ARHGEF7: variants seen among roughly 807,000 people sequenced by gnomAD.
ARHGEF7 encodes the protein PAK-interacting exchange factor beta.
In ARHGEF7, 33 loss-of-function variants were observed where a neutral mutation model predicts 109.8. The observed-to-expected ratio is 0.30, with a 90% confidence interval of 0.23 to 0.40. ARHGEF7 has a LOEUF of 0.40. Among genes scored for constraint, ARHGEF7 ranks in the 10% least tolerant of loss-of-function variants. ARHGEF7 has a pLI of 1.00. For synonymous variants in ARHGEF7, 458 were observed against 424.6 expected (o/e 1.08, Z -0.97); for missense variants, 938 against 1,098.5 (o/e 0.85, Z 2.07).
rs1361965311 is a variant in ARHGEF7 at position 111,255,464 on chromosome 13, G to A, written c.950+11170G>A. 6.6e-6 allele frequency among the ~76,000 whole-genome samples: 1 copy of A among 152,210 alleles called. No homozygotes were observed. The highest frequency in any genetic ancestry group is 2.4e-5 in the African/African-American group (1 of 41,450). ...GGGGTGCTGGTGTCACCCACCCAGA[G>A]TCTTGCGGAGGTAAAGTGGCCTGGT... On this transcript the variant is annotated intron_variant, in intron 8 of 21. Coordinates refer to ENST00000646102, the MANE Select transcript of ARHGEF7 (RefSeq NM_001354046.2). The surrounding 1 kb of genome is among the most constrained non-coding windows in gnomAD (Gnocchi z 4.1).
At chr13:111,257,210 A>G (rs1008646223) in intron 8 of ARHGEF7, among the ~76,000 whole-genome samples, 5 of 152,156 alleles carry the variant, frequency 3.3e-5, no homozygotes, top group Non-Finnish European at 7.3e-5. Context: ...TCTTACTAAA[A>G]TCCTACTTAA....
Position 111,283,730 on chromosome 13 carries a change from A to G in ARHGEF7, c.1950+367A>G, listed in dbSNP as rs549951993. 2.0e-5 allele frequency among the ~76,000 whole-genome samples: 3 copies of G among 152,196 alleles called. No homozygotes were observed. In the South Asian group the frequency reaches 6.2e-4, roughly 32 times the overall value. ...ATCTGCACGCTGTCTGCTGCGTCTA[A>G]CGACCCCTCCTCTAGGTTGGGGATC... On this transcript the variant is annotated intron_variant, in intron 16 of 21. Transcript: ENST00000646102.
chr13:111,221,545 ACATATC>A (rs2084323813), intron 5 of ARHGEF7, among the ~76,000 whole-genome samples: 2 of 76,928 alleles, frequency 2.6e-5, no homozygotes, highest in African/African-American at 9.1e-5. Context: ...ATATATAGAT[ACATATC>A]TATATATCTA....
chr13:111,222,699 G>C (rs1177983086), intron 5 of ARHGEF7, among the ~76,000 whole-genome samples: 1 of 152,248 alleles, frequency 6.6e-6, no homozygotes, highest in African/African-American at 2.4e-5. Flanking sequence ...AAAGTGCTGG[G>C]ATTACAGGCG....
At chr13:111,240,867 T>C (rs1700596091) in intron 6 of ARHGEF7, among the ~76,000 whole-genome samples, 1 of 152,236 alleles carries the variant, frequency 6.6e-6, no homozygotes, top group African/African-American at 2.4e-5. Flanking sequence ...TTCTTTGTTC[T>C]CTTATGTAAA....
At position 111,132,568 on chromosome 13, in the gene ARHGEF7, ACACT is replaced by A. The variant is rs1455877237; in HGVS notation, c.165+16878_165+16881del. Among the ~76,000 whole-genome samples, 91 of 152,340 alleles carry A rather than the reference ACACT, an allele frequency of 6.0e-4. 2 individuals are homozygous for A. The East Asian group carries it at 0.016, about 27-fold the overall frequency. Reference sequence around the variant, plus strand: ...CTATTGTTGTGAGAATGTTATGAATACACTTGTGTCTCTCCTGGGATTGACTTTT... The same window carrying A: ...CTATTGTTGTGAGAATGTTATGAATATGTGTCTCTCCTGGGATTGACTTTT... On this transcript the variant is annotated intron_variant, in intron 1 of 21. Transcript: ENST00000646102.
chr13:111,241,307 G>A (rs867421760), intron 6 of ARHGEF7: 188 of 1,536,076 alleles, frequency 1.2e-4, no homozygotes, highest in Non-Finnish European at 1.5e-4. Flanking sequence ...CAGCCAGAGC[G>A]TGCAGAAGAC....
At position 111,266,969 on chromosome 13, in the gene ARHGEF7, G is replaced by A. The variant is rs1056282873; in HGVS notation, c.951-579G>A. ...TGATGCCCACAGCTTGTGCCGACTT[G>A]TCACCCCTCATGCAGCTTCCAGTGC... On this transcript the variant is annotated intron_variant, in intron 8 of 21. Transcript: ENST00000646102. This position sits in a 1 kb window ranked among gnomAD's most constrained non-coding sequence, Gnocchi z 4.8. 1 of 452,512 alleles carries A rather than the reference G, an allele frequency of 2.2e-6. No individual in the cohort carries two copies. Among genetic ancestry groups the A allele is most frequent in the Middle Eastern group, 3.3e-4 (1 of 3,034 alleles). 28.0% of individuals were successfully genotyped at this position (452,512 alleles called of 1,614,324 possible).
At chr13:111,197,209 G>T (rs1471296550) in intron 2 of ARHGEF7, among the ~76,000 whole-genome samples, 1 of 150,320 alleles carries the variant, frequency 6.7e-6, no homozygotes, top group African/African-American at 2.5e-5. Flanking sequence ...CCCTGCTGAT[G>T]GGAATAGTTG....
chr13:111,186,840 TC>T, intron 2 of ARHGEF7: 1 of 985,396 alleles, frequency 1.0e-6, no homozygotes, highest in Non-Finnish European at 1.2e-6. Context: ...CAGAGGCCTC[TC>T]CGTCAGTATT....
chr13:111,240,476 A>AGAG (rs2087578977), intron 6 of ARHGEF7, among the ~76,000 whole-genome samples: 1 of 152,274 alleles, frequency 6.6e-6, no homozygotes, highest in Middle Eastern at 3.4e-3. Context: ...TGACTGCCTC[A>AGAG]TGTCATTGTG....
rs141165211 is a variant in ARHGEF7 at position 111,230,527 on chromosome 13, C to T, written c.671-2678C>T. Among the ~76,000 whole-genome samples, 1,066 of 152,326 alleles carry T rather than the reference C, an allele frequency of 7.0e-3. 12 individuals are homozygous for T. Among genetic ancestry groups the T allele is most frequent in the African/African-American group, 0.024 (989 of 41,568 alleles). On this transcript the variant is annotated intron_variant, in intron 5 of 21. Transcript: ENST00000646102. Reference sequence around the variant, plus strand: ...GGCACATTTCTTCTGGCGTGACCGCCCCAGGAGCCTGGACAGTGGTGGGGC... The same window carrying T: ...GGCACATTTCTTCTGGCGTGACCGCTCCAGGAGCCTGGACAGTGGTGGGGC...
chr13:111,129,089 G>A (rs1423013329), intron 1 of ARHGEF7, among the ~76,000 whole-genome samples: 1 of 152,094 alleles, frequency 6.6e-6, no homozygotes, highest in East Asian at 1.9e-4. Context: ...TTCAACAAAG[G>A]TGCCAAGACA....
At chr13:111,154,458 C>G (rs1333468261) in intron 2 of ARHGEF7, among the ~76,000 whole-genome samples, 1 of 152,164 alleles carries the variant, frequency 6.6e-6, no homozygotes, top group Non-Finnish European at 1.5e-5. Flanking sequence ...AATGGGCCAG[C>G]CCTCCGCCTG....
rs897795655 is a variant in ARHGEF7, at chr13:111,293,357, A to G, written c.2311+1063A>G. 5 of 985,140 alleles carry G rather than the reference A, an allele frequency of 5.1e-6. No individual in the cohort carries two copies. The African/African-American group carries it at 7.0e-5, about 14-fold the overall frequency. 61.0% of individuals were successfully genotyped at this position (985,140 alleles called of 1,614,324 possible). A position where few individuals can be genotyped will look rare whatever the true frequency, so the allele number is the denominator to read the frequency against. ...ACTCCATTTACAGCAACCCCATAGT[A>G]TAAAACCACAATGCCTCATTGTAAT... On this transcript the variant is annotated intron_variant, in intron 19 of 21. Transcript: ENST00000646102.
At chr13:111,220,622 CT>C (rs1201454054) in intron 5 of ARHGEF7, among the ~76,000 whole-genome samples, 4 of 152,124 alleles carry the variant, frequency 2.6e-5, no homozygotes, top group African/African-American at 9.7e-5. Context: ...GCTGTTACCC[CT>C]GATAGCCCAC....
chr13:111,237,687 T>G (rs529370965), intron 6 of ARHGEF7, among the ~76,000 whole-genome samples: 1 of 152,290 alleles, frequency 6.6e-6, no homozygotes, highest in African/African-American at 2.4e-5. Flanking sequence ...AAGCGATCAG[T>G]GGTTTGTCCA....
chr13:111,138,336 C>G (rs2075185108), intron 1 of ARHGEF7, among the ~76,000 whole-genome samples: 1 of 152,002 alleles, frequency 6.6e-6, no homozygotes, highest in African/African-American at 2.4e-5. Flanking sequence ...AAAAAATTAG[C>G]CGGGTGTGGT....
rs374102066 is a variant in ARHGEF7 at position 111,289,054 on chromosome 13, C to A, written c.2134+611C>A. Among the ~76,000 whole-genome samples the A allele has an allele frequency of 7.3e-5, 11 of 151,552 alleles. No homozygotes were observed. The East Asian group carries it at 1.8e-3, about 24-fold the overall frequency. The stretch of plus-strand genomic sequence containing the variant: ...TGGCTTTTTTTTTTCTTTTTGGAGA[C>A]GGAGTCTCGCTCTGTCACCCAGGCT... On this transcript the variant is annotated intron_variant, in intron 18 of 21. Transcript: ENST00000646102.
Sources: allele counts gnomAD v4.1 joint callset (sites outside exome capture counted in the v4.1 genomes callset), GRCh38; gene constraint gnomAD v4.1.1; non-coding constraint Gnocchi (gnomAD v3.1); transcripts MANE v1.5; gene names NCBI Gene and HGNC (gene_info 2026-07-23, HGNC 2026-07-21).